BNC2: variants seen among roughly 807,000 people sequenced by gnomAD.
BNC2 encodes basonuclin zinc finger protein 2.
Under a neutral mutation model 76.3 loss-of-function variants are expected in BNC2, and 20 were observed. The observed-to-expected ratio is 0.26, with a 90% confidence interval of 0.18 to 0.38. The LOEUF (loss-of-function observed/expected upper bound fraction) is 0.38. BNC2 is among the 10% of genes least tolerant of loss of function. The pLI is 1.00. For synonymous variants in BNC2, 582 were observed against 514.8 expected, an observed-to-expected ratio of 1.13 and a Z score of -1.77; for missense variants, 1,382 against 1,399.8, an observed-to-expected ratio of 0.99 and a Z score of 0.20.
intron 4 of BNC2, among the ~76,000 whole-genome samples, chr9:16,568,114 G>C (rs1305705574): frequency 6.6e-6 from 1 of 152,094 alleles, no homozygotes; most frequent in African/African-American, 2.4e-5. Flanking sequence ...TGGGTCTCTT[G>C]CCTCAACTCC....
chr9:16,445,087 C>CA (rs927237757), intron 5 of BNC2, among the ~76,000 whole-genome samples: 53 of 151,762 alleles, frequency 3.5e-4, no homozygotes, highest in Admixed American at 3.4e-3. Context: ...AATGGCCACA[C>CA]AAAAAAAATT....
chr9:16,730,286 A>G (rs1034592436), intron 2 of BNC2, among the ~76,000 whole-genome samples: 1 of 152,222 alleles, frequency 6.6e-6, no homozygotes, highest in African/African-American at 2.4e-5. Context: ...CAAGCAAGTG[A>G]TAGTGAAATC....
At chr9:16,593,317 G>C (rs1380429491) in intron 3 of BNC2, among the ~76,000 whole-genome samples, 1 of 152,030 alleles carries the variant, frequency 6.6e-6, no homozygotes, top group African/African-American at 2.4e-5. Context: ...GGGAGAAAGG[G>C]ACACACACAG....
chr9:16,700,557 T>C (rs1587330193), intron 3 of BNC2, among the ~76,000 whole-genome samples: 3 of 152,328 alleles, frequency 2.0e-5, no homozygotes, highest in Admixed American at 2.0e-4. Flanking sequence ...GCAATCCTCC[T>C]GACTCAGCCT....
At chr9:16,694,628 T>C (rs151289824) in intron 3 of BNC2, among the ~76,000 whole-genome samples, 9 of 152,230 alleles carry the variant, frequency 5.9e-5, no homozygotes, top group African/African-American at 2.2e-4. Flanking sequence ...ATGTAGCATG[T>C]CGAAGATCAA....
At chr9:16,834,664 C>T (rs986773104) in intron 1 of BNC2, among the ~76,000 whole-genome samples, 5 of 152,132 alleles carry the variant, frequency 3.3e-5, no homozygotes, top group South Asian at 2.1e-4. Flanking sequence ...CTAATAATAC[C>T]GGTCTCCTCA....
chr9:16,489,189 T>C (rs1386313685), intron 5 of BNC2, among the ~76,000 whole-genome samples: 1 of 152,126 alleles, frequency 6.6e-6, no homozygotes, highest in Non-Finnish European at 1.5e-5. Flanking sequence ...AATACAAAAA[T>C]TTGTCAGTAT....
At chr9:16,714,640 C>T (rs545117894) in intron 3 of BNC2, among the ~76,000 whole-genome samples, 1 of 152,304 alleles carries the variant, frequency 6.6e-6, no homozygotes, top group South Asian at 2.1e-4. Context: ...ACAAATGGCT[C>T]CCTTCTGATT....
rs544799624 is a variant in BNC2 at position 16,539,329 on chromosome 9, G to A, written c.669+13201C>T. Among the ~76,000 whole-genome samples the A allele has an allele frequency of 5.3e-5, 8 of 151,918 alleles. No individual in the cohort carries two copies. The South Asian group carries it at 1.7e-3, about 32-fold the overall frequency. On this transcript the variant is annotated intron_variant, in intron 5 of 6. Transcript: ENST00000380672. ...GAGGTCAGGAGTTTGAGACCAGCCT[G>A]GGCAATACGATAAAATCCCATTTCT...
chr9:16,673,339 G>A (rs1041122690), intron 3 of BNC2, among the ~76,000 whole-genome samples: 2 of 151,816 alleles, frequency 1.3e-5, no homozygotes, highest in African/African-American at 4.8e-5. Flanking sequence ...GCACAGTTTT[G>A]AGGAAATAAC....
chr9:16,695,182 G>A (rs967929626), intron 3 of BNC2, among the ~76,000 whole-genome samples: 5 of 152,160 alleles, frequency 3.3e-5, no homozygotes, highest in Non-Finnish European at 5.9e-5. Context: ...TAAAATACAT[G>A]AGAGTTTCTT....
chr9:16,557,763 C>G (rs1170145884), intron 4 of BNC2, among the ~76,000 whole-genome samples: 2 of 151,930 alleles, frequency 1.3e-5, no homozygotes, highest in East Asian at 3.9e-4. Context: ...GTGTCCACTC[C>G]CCTTCACTCT....
At chr9:16,484,615 T>G (rs143292065) in intron 5 of BNC2, among the ~76,000 whole-genome samples, 13 of 152,342 alleles carry the variant, frequency 8.5e-5, no homozygotes, top group Middle Eastern at 6.8e-3. Flanking sequence ...CTGGCTGGCA[T>G]GCAAGTGGTT....
intron 6 of BNC2, among the ~76,000 whole-genome samples, 178 bp from the exon 7 acceptor site, chr9:16,419,827 G>A (rs1281872455): frequency 2.6e-5 from 4 of 152,134 alleles, no homozygotes; most frequent in African/African-American, 9.7e-5. Context: ...GGGAGTTAGT[G>A]GTGGTGGTGA....
intron 5 of BNC2, among the ~76,000 whole-genome samples, chr9:16,519,635 T>C (rs895495677): frequency 6.6e-6 from 1 of 152,168 alleles, no homozygotes; most frequent in African/African-American, 2.4e-5. Flanking sequence ...TAGCAGACAA[T>C]GACAACAAAA....
intron 5 of BNC2, among the ~76,000 whole-genome samples, chr9:16,507,074 G>A (rs771874391): frequency 6.6e-6 from 1 of 151,846 alleles, no homozygotes; most frequent in South Asian, 2.1e-4. Flanking sequence ...TATAAGGCCC[G>A]CCTGACCTTC....
At chr9:16,734,012 C>G (rs1464672042) in intron 2 of BNC2, among the ~76,000 whole-genome samples, 1 of 152,184 alleles carries the variant, frequency 6.6e-6, no homozygotes, top group Non-Finnish European at 1.5e-5. Context: ...AAGTGTTCCA[C>G]AGCAGTAAAG....
intron 5 of BNC2, among the ~76,000 whole-genome samples, chr9:16,536,942 A>C (rs904217380): frequency 6.6e-6 from 1 of 152,126 alleles, no homozygotes; most frequent in African/African-American, 2.4e-5. Flanking sequence ...CCTTCCATTT[A>C]GTATATTACT....
intron 3 of BNC2, among the ~76,000 whole-genome samples, chr9:16,682,615 A>G (rs2134313254): frequency 6.6e-6 from 1 of 152,300 alleles, no homozygotes; most frequent in African/African-American, 2.4e-5. Flanking sequence ...GCACCCCAGT[A>G]TGTCTGGAAA....
Sources: gnomAD v4.1 joint callset for allele counts (sites outside exome capture counted in the v4.1 genomes callset) on GRCh38, gnomAD v4.1.1 for gene constraint, MANE v1.5 for transcripts, NCBI Gene and HGNC (gene_info 2026-07-23, HGNC 2026-07-21) for gene names.